DPYD: variants seen among roughly 807,000 people sequenced by gnomAD.
DPYD encodes dihydropyrimidine dehydrogenase, also known as dihydropyrimidine dehydrogenase [NADP(+)].
A neutral mutation model predicts 116.2 loss-of-function variants in DPYD; 109 were observed. The ratio of observed to expected loss-of-function variants is 0.94; its 90% CI spans 0.80 to 1.10. The LOEUF (loss-of-function observed/expected upper bound fraction) is 1.10. DPYD is among the 50% of genes least tolerant of loss of function. The pLI, the probability that DPYD is intolerant of heterozygous loss-of-function variation, is 0.00. For synonymous variants in DPYD, 440 were observed against 432.0 expected (o/e 1.02, Z -0.23); for missense variants, 1,302 against 1,254.5 (o/e 1.04, Z -0.57).
chr1:97,482,623 T>C (rs956313543), intron 13 of DPYD, among the ~76,000 whole-genome samples: 2 of 152,196 alleles, frequency 1.3e-5, no homozygotes, highest in Non-Finnish European at 2.9e-5. Context: ...ACTTTTATTA[T>C]TATATTGGGA....
At chr1:97,240,779 C>A (rs903960800) in intron 18 of DPYD, among the ~76,000 whole-genome samples, 1 of 151,264 alleles carries the variant, frequency 6.6e-6, no homozygotes, top group South Asian at 2.1e-4. Context: ...ATTTTTATAA[C>A]CTACATATAA....
intron 2 of DPYD, among the ~76,000 whole-genome samples, chr1:97,837,735 T>G (rs1211309174): frequency 6.6e-6 from 1 of 152,154 alleles, no homozygotes; most frequent in Non-Finnish European, 1.5e-5. Flanking sequence ...ATGGAAAAGA[T>G]AAACTCTGTT....
At chr1:97,275,475 T>C (rs1463160264) in intron 18 of DPYD, among the ~76,000 whole-genome samples, 3 of 152,200 alleles carry the variant, frequency 2.0e-5, no homozygotes, top group Admixed American at 6.5e-5. Flanking sequence ...CAGTGGTCTA[T>C]TTGCCTTTGG....
At chr1:97,287,199 C>G (rs983575182) in intron 18 of DPYD, among the ~76,000 whole-genome samples, 1 of 152,128 alleles carries the variant, frequency 6.6e-6, no homozygotes, top group African/African-American at 2.4e-5. Context: ...CACTCCAGAC[C>G]CTGTTTGCCT....
intron 20 of DPYD, among the ~76,000 whole-genome samples, chr1:97,104,423 T>C (rs1422046185): frequency 6.6e-6 from 1 of 152,094 alleles, no homozygotes; most frequent in Non-Finnish European, 1.5e-5. Context: ...AGCCAGACAC[T>C]TGAAATTTAT....
chr1:97,798,617 G>A (rs17117198), intron 3 of DPYD, among the ~76,000 whole-genome samples: 2 of 151,792 alleles, frequency 1.3e-5, no homozygotes, highest in Admixed American at 6.6e-5. Flanking sequence ...GTCCATGTAC[G>A]TACAATATGG....
intron 15 of DPYD, among the ~76,000 whole-genome samples, chr1:97,381,980 C>T (rs1026575414): frequency 6.6e-6 from 1 of 152,110 alleles, no homozygotes; most frequent in Admixed American, 6.6e-5. Context: ...TTTAAATATT[C>T]AAGAGTTTTA....
chr1:97,395,029 G>A (rs1048678615), intron 14 of DPYD, among the ~76,000 whole-genome samples: 14 of 151,972 alleles, frequency 9.2e-5, no homozygotes, highest in Middle Eastern at 3.4e-3. Flanking sequence ...TAGTAAATTC[G>A]TGCTTCTCAT....
chr1:97,449,131 T>C (rs1676254889), intron 14 of DPYD, among the ~76,000 whole-genome samples: 1 of 152,162 alleles, frequency 6.6e-6, no homozygotes, highest in Admixed American at 6.5e-5. Context: ...TATCAGTTTG[T>C]AGACAAACAT....
chr1:97,729,169 A>G (rs1028493863), intron 4 of DPYD, among the ~76,000 whole-genome samples: 13 of 152,142 alleles, frequency 8.5e-5, no homozygotes, highest in African/African-American at 2.4e-4. Flanking sequence ...ATCCTGAGAT[A>G]TTTAACTGGA....
chr1:97,383,969 T>G, intron 14 of DPYD, among the ~76,000 whole-genome samples: 1 of 152,008 alleles, frequency 6.6e-6, no homozygotes, highest in East Asian at 1.9e-4. Flanking sequence ...ATTAGCTGGG[T>G]GTGGTGCCCT....
At chr1:97,420,490 G>T (rs1674522774) in intron 14 of DPYD, among the ~76,000 whole-genome samples, 1 of 151,914 alleles carries the variant, frequency 6.6e-6, no homozygotes, top group Admixed American at 6.6e-5. Flanking sequence ...TCAAGTTTCT[G>T]CAGAGCCACT....
At chr1:97,848,923 A>G (rs998299187) in intron 2 of DPYD, among the ~76,000 whole-genome samples, 3 of 152,216 alleles carry the variant, frequency 2.0e-5, no homozygotes, top group African/African-American at 4.8e-5. Context: ...AATGACTGAA[A>G]TCTAAATATT....
chr1:97,105,212 A>G (rs191685836), intron 20 of DPYD, among the ~76,000 whole-genome samples: 1 of 152,216 alleles, frequency 6.6e-6, no homozygotes, highest in East Asian at 1.9e-4. Context: ...GAGAAACCAG[A>G]ACAAAGAGAT....
intron 16 of DPYD, among the ~76,000 whole-genome samples, chr1:97,369,349 A>C (rs72728417): frequency 0.12 from 17,996 of 152,152 alleles, 1,153 homozygotes; most frequent in East Asian, 0.19. Flanking sequence ...TCATATATTT[A>C]GAGAAATGAA....
intron 13 of DPYD, among the ~76,000 whole-genome samples, chr1:97,471,399 C>G (rs1677642757): frequency 3.3e-5 from 5 of 152,064 alleles, no homozygotes; most frequent in Admixed American, 6.5e-5. Flanking sequence ...TGGACCAGAG[C>G]AATGGACTTA....
At chr1:97,808,848 T>G (rs1036862494) in intron 3 of DPYD, among the ~76,000 whole-genome samples, 4 of 152,094 alleles carry the variant, frequency 2.6e-5, no homozygotes, top group African/African-American at 9.7e-5. Flanking sequence ...AAAGAGGCCA[T>G]AAACTTTAAG....
intron 3 of DPYD, among the ~76,000 whole-genome samples, chr1:97,793,792 C>T (rs1667433022): frequency 6.6e-6 from 1 of 152,114 alleles, no homozygotes; most frequent in Non-Finnish European, 1.5e-5. Flanking sequence ...AAAATATTTG[C>T]AACCCTAGGG....
Position 97,620,565 on chromosome 1 carries a change from G to A in DPYD, c.851-25399C>T, listed in dbSNP as rs1656574874. On this transcript the variant is annotated intron_variant, in intron 8 of 22. Coordinates refer to ENST00000370192, the MANE Select transcript of DPYD (RefSeq NM_000110.4). ...ACATCTCATAGGTTATTAACCATCT[G>A]CCCTCTTAAAATTAACTTTTTAAAC... Among the ~76,000 whole-genome samples the A allele has an allele frequency of 2.0e-5, 3 of 152,066 alleles. 1 individual carries two copies. The highest frequency in any genetic ancestry group is 4.4e-5 in the Non-Finnish European group (3 of 68,014).
Sources: gnomAD v4.1 joint callset for allele counts (sites outside exome capture counted in the v4.1 genomes callset) on GRCh38, gnomAD v4.1.1 for gene constraint, MANE v1.5 for transcripts, NCBI Gene and HGNC (gene_info 2026-07-23, HGNC 2026-07-21) for gene names.